Variants in SPEN observed in about 807,000 individuals in gnomAD.
SPEN encodes msx2-interacting protein.
In SPEN, 18 loss-of-function variants were observed where a neutral mutation model predicts 269.9. The ratio of observed to expected loss-of-function variants is 0.07; its 90% CI spans 0.05 to 0.10. The LOEUF is 0.10. SPEN is among the 10% of genes least tolerant of loss of function. SPEN has a pLI of 1.00. For missense variants in SPEN, 3,822 were observed against 4,631.2 expected (o/e 0.83, Z 5.07); for synonymous variants, 1,726 against 1,765.7 (o/e 0.98, Z 0.56).
chr1:15,880,219 AT>A (rs1185932918), intron 3 of SPEN, among the ~76,000 whole-genome samples: 3 of 151,844 alleles, frequency 2.0e-5, no homozygotes, highest in Non-Finnish European at 4.4e-5. Context: ...CCACTGTCTT[AT>A]GTCTGTGTAG....
In SPEN at chr1:15,909,419, A is replaced by G; in HGVS notation, c.980A>G (p.Glu327Gly). Residue 327 changes from glutamate to glycine, a missense_variant, in exon 4 of 15, where the codon GAA becomes GGA. By Grantham distance (98) the Glu-to-Gly change is moderately conservative. Coordinates refer to ENST00000375759, the MANE Select transcript of SPEN (RefSeq NM_015001.3). Reference protein sequence around the residue: ...APTSQLLSSLEKDEPRKSFGI... With the variant: ...APTSQLLSSLGKDEPRKSFGI... The stretch of plus-strand genomic sequence containing the variant: ...ACTTCCCAGTTGCTTTCATCTCTGG[A>G]AAAAGATGAGCCCCGTAAAAGTTTT... 6.2e-7 allele frequency: 1 copy of G among 1,614,142 alleles called. No homozygotes were observed. The highest frequency in any genetic ancestry group is 1.1e-5 in the South Asian group (1 of 91,080).
intron 3 of SPEN, among the ~76,000 whole-genome samples, chr1:15,901,649 C>CAAA (rs113563212): frequency 1.7e-4 from 9 of 52,630 alleles, no homozygotes; most frequent in Non-Finnish European, 3.1e-4. Context: ...GACTCCATCT[C>CAAA]AAAAAAAAAA....
intron 1 of SPEN, among the ~76,000 whole-genome samples, chr1:15,849,952 A>G (rs1323666643): frequency 6.6e-6 from 1 of 152,168 alleles, no homozygotes; most frequent in Admixed American, 6.6e-5. Flanking sequence ...TTATGTGCCT[A>G]GACGTGTCAT....
At chr1:15,854,081 G>A (rs763681191) in intron 1 of SPEN, among the ~76,000 whole-genome samples, 4 of 152,076 alleles carry the variant, frequency 2.6e-5, no homozygotes, top group Admixed American at 6.5e-5. Context: ...GATTACAGGC[G>A]CCAGCCACCA....
rs2071317004 is a variant in SPEN, at chr1:15,939,589, TC to T, written c.*164del. The T allele has an allele frequency of 6.1e-6, 5 of 822,438 alleles. No homozygotes were observed. Among genetic ancestry groups the T allele is most frequent in the Admixed American group, 3.3e-5 (1 of 30,216 alleles). The allele number at this position is 822,438 out of a possible 1,614,324, so 50.9% of individuals were successfully genotyped here. ...GCCGCCCGGCTCAGTCGGCCAGACT[TC>T]CTCTAGGAGTGGTGCTGCTACCTTG... On this transcript the variant is annotated 3_prime_UTR_variant, in exon 15 of 15. Transcript: ENST00000375759. The surrounding 1 kb of genome is among the most constrained non-coding windows in gnomAD (Gnocchi z 4.1).
chr1:15,873,302 T>C (rs1413053251), intron 2 of SPEN, 166 bp downstream of exon 2: 4 of 985,340 alleles, frequency 4.1e-6, no homozygotes, highest in East Asian at 1.1e-4. Context: ...TGGTATCTTA[T>C]GGAATCGTAG....
In SPEN at chr1:15,928,378, G is replaced by A. The variant is rs867088456; in HGVS notation, c.2138G>A (p.Arg713Gln). The change falls in exon 11 of 15, where the codon CGG (arginine) becomes CAG (glutamine). Residue 713 changes from arginine to glutamine, a missense_variant. Physicochemically the swap from Arg to Gln is conservative, Grantham distance 43. Transcript: ENST00000375759. This position sits in a 1 kb window ranked among gnomAD's most constrained non-coding sequence, Gnocchi z 5.7. ...ERERERFESD[R>Q]DRDHERRPIE... is the part of the protein sequence containing the mutation. ...GAACGTGAAAGATTTGAGTCTGACCGGGACAGAGACCATGAGAGGAGGCCG... is the reference window on the plus strand; with the variant it reads ...GAACGTGAAAGATTTGAGTCTGACCAGGACAGAGACCATGAGAGGAGGCCG... 2 of 1,614,142 alleles carry A rather than the reference G, an allele frequency of 1.2e-6. No homozygotes were observed. The highest frequency in any genetic ancestry group is 1.7e-6 in the Non-Finnish European group (2 of 1,180,026).
chr1:15,882,014 C>G (rs1421647151), intron 3 of SPEN, among the ~76,000 whole-genome samples: 1 of 152,160 alleles, frequency 6.6e-6, no homozygotes, highest in Non-Finnish European at 1.5e-5. Flanking sequence ...AATAGTTACA[C>G]TTTTGATGAA....
At chr1:15,874,654 A>T (rs897082806) in intron 2 of SPEN, among the ~76,000 whole-genome samples, 2 of 152,218 alleles carry the variant, frequency 1.3e-5, no homozygotes, top group Non-Finnish European at 2.9e-5. Context: ...ATCATTAATA[A>T]TGGCTTTCAC....
intron 3 of SPEN, among the ~76,000 whole-genome samples, chr1:15,889,455 C>T (rs964237129): frequency 7.9e-5 from 12 of 152,150 alleles, no homozygotes; most frequent in Admixed American, 5.2e-4. Flanking sequence ...CATGAGCCAC[C>T]GTGCCTGGCC....
intron 10 of SPEN, among the ~76,000 whole-genome samples, chr1:15,922,881 T>G (rs772997206): frequency 6.6e-6 from 1 of 152,198 alleles, no homozygotes; most frequent in Non-Finnish European, 1.5e-5. Context: ...CCCAAAGCGC[T>G]GGGATTACAG....
intron 3 of SPEN, among the ~76,000 whole-genome samples, chr1:15,908,583 C>T (rs1273396023): frequency 6.6e-6 from 1 of 152,082 alleles, no homozygotes; most frequent in African/African-American, 2.4e-5. Context: ...CCACCACACC[C>T]AGCTAATTTT....
chr1:15,919,541 G>A, intron 8 of SPEN, 24 bp downstream of exon 8: 1 of 1,466,066 alleles, frequency 6.8e-7, no homozygotes, highest in Non-Finnish European at 9.3e-7. Context: ...TTTGGTATGT[G>A]GTTCAGACTT....
chr1:15,924,914 G>T (rs2071152338), intron 10 of SPEN, among the ~76,000 whole-genome samples: 1 of 152,164 alleles, frequency 6.6e-6, no homozygotes, highest in African/African-American at 2.4e-5. Context: ...TGCCCCATGT[G>T]GTTTCAGTTG....
intron 3 of SPEN, among the ~76,000 whole-genome samples, chr1:15,894,157 A>G (rs1570016406): frequency 6.6e-6 from 1 of 152,174 alleles, no homozygotes; most frequent in East Asian, 1.9e-4. Flanking sequence ...CTTCTGAAAC[A>G]TTTTAGTTTT....
chr1:15,866,552 A>G (rs2070512269), intron 1 of SPEN, among the ~76,000 whole-genome samples: 1 of 152,076 alleles, frequency 6.6e-6, no homozygotes, highest in Non-Finnish European at 1.5e-5. Flanking sequence ...ACGGGGTTTC[A>G]CTATGTTAGC....
intron 9 of SPEN, 57 bp downstream of exon 9, chr1:15,921,040 C>T (rs2071113045): frequency 8.4e-7 from 1 of 1,194,508 alleles, no homozygotes; most frequent in Admixed American, 2.2e-5. Flanking sequence ...ATCTCACCCT[C>T]TTGGGCTGGG....
chr1:15,928,430 C>G lies in SPEN; in HGVS notation c.2190C>G (p.His730Gln), dbSNP rs1374247469. 2 of 1,614,112 alleles carry G rather than the reference C, an allele frequency of 1.2e-6. No individual in the cohort carries two copies. Among genetic ancestry groups the G allele is most frequent in the Non-Finnish European group, 1.7e-6 (2 of 1,180,026 alleles). ...TTGAACGAAGTCAAAGTCCTGTTCACTTGCGACGTCCACAGAGTCCTGGAG... is the reference window on the plus strand; with the variant it reads ...TTGAACGAAGTCAAAGTCCTGTTCAGTTGCGACGTCCACAGAGTCCTGGAG... The part of the protein sequence containing the change: ...RPIERSQSPV[H>Q]LRRPQSPGAS... Residue 730 changes from histidine to glutamine, a missense_variant, in exon 11 of 15, where the codon CAC becomes CAG. Around this residue, in one of 16 missense-constraint regions of SPEN, gnomAD observed 572 missense variants for 582.6 expected, o/e 0.98. Transcript: ENST00000375759. This position sits in a 1 kb window ranked among gnomAD's most constrained non-coding sequence, Gnocchi z 5.7.
chr1:15,903,799 T>A (rs932595338), intron 3 of SPEN, among the ~76,000 whole-genome samples: 3 of 152,164 alleles, frequency 2.0e-5, no homozygotes. Flanking sequence ...AATTCTTTAT[T>A]TAGAATGATA....
Sources: gnomAD v4.1 joint callset for allele counts (sites outside exome capture counted in the v4.1 genomes callset) on GRCh38, gnomAD v4.1.1 for gene constraint, gnomAD v4.1.1 regional missense constraint, Gnocchi (gnomAD v3.1) non-coding constraint, MANE v1.5 for transcripts, NCBI Gene and HGNC (gene_info 2026-07-23, HGNC 2026-07-21) for gene names.